The following XPO4 variants were observed in gnomAD, a reference collection of about 807,000 sequenced individuals.
XPO4 encodes the protein exportin-4.
In XPO4, 39 loss-of-function variants were observed where a neutral mutation model predicts 143.0. That is an observed-to-expected ratio of 0.27 (90% CI 0.21 to 0.36). The LOEUF (loss-of-function observed/expected upper bound fraction) is 0.36, where lower values mean the gene tolerates loss of function less well. Among genes scored for constraint, XPO4 ranks in the 10% least tolerant of loss-of-function variants. XPO4 has a pLI of 1.00. For missense variants in XPO4, 907 were observed against 1,348.0 expected (o/e 0.67, Z 5.12); for synonymous variants, 439 against 474.0 (o/e 0.93, Z 0.96).
intron 1 of XPO4, among the ~76,000 whole-genome samples, chr13:20,870,478 C>T (rs1300932584): frequency 6.6e-6 from 1 of 151,718 alleles, no homozygotes; most frequent in Admixed American, 6.6e-5. Context: ...GGGCTGGGTG[C>T]GGTGGCTCAT....
chr13:20,784,650 A>C (rs1434651949), intron 22 of XPO4, among the ~76,000 whole-genome samples: 2 of 152,226 alleles, frequency 1.3e-5, no homozygotes, highest in Non-Finnish European at 2.9e-5. Flanking sequence ...GCTCTCAAAA[A>C]AAGCTGGCCT....
chr13:20,852,643 T>G (rs1262235146), intron 4 of XPO4: 21 of 963,124 alleles, frequency 2.2e-5, no homozygotes, highest in Non-Finnish European at 2.1e-5. Context: ...TTTATAACAT[T>G]TAAATAATGA....
At chr13:20,846,316 CAT>C (rs1481844867) in intron 4 of XPO4, among the ~76,000 whole-genome samples, 2 of 152,112 alleles carry the variant, frequency 1.3e-5, no homozygotes, top group Non-Finnish European at 2.9e-5. Flanking sequence ...CCCAAGATAA[CAT>C]GTGGTTTACG....
At position 20,778,723 on chromosome 13, in the gene XPO4, ATT is replaced by A. The variant is rs1212383361; in HGVS notation, c.*4997_*4998del. 1 of 152,108 alleles carries A rather than the reference ATT, an allele frequency of 6.6e-6. No individual in the cohort carries two copies. Among genetic ancestry groups the A allele is most frequent in the Non-Finnish European group, 1.5e-5 (1 of 67,996 alleles). The allele number at this position is 152,108 out of a possible 1,614,324, so 9.4% of individuals were successfully genotyped here. ...GATTTTTATCTGTACAGATGTCTTC[ATT>A]TTTTTAAATTTAAAATTATTTTAGG... On this transcript the variant is annotated 3_prime_UTR_variant, in exon 23 of 23. Transcript: ENST00000255305.
At chr13:20,810,222 A>C (rs1233695627) in intron 9 of XPO4, among the ~76,000 whole-genome samples, 1 of 152,200 alleles carries the variant, frequency 6.6e-6, no homozygotes, top group African/African-American at 2.4e-5. Context: ...AAATAATATT[A>C]ACATTTTCTG....
chr13:20,861,669 T>C (rs1226134098), intron 3 of XPO4, among the ~76,000 whole-genome samples: 2 of 152,040 alleles, frequency 1.3e-5, no homozygotes, highest in African/African-American at 2.4e-5. Context: ...TACAGATATG[T>C]ATAAAAAGAA....
chr13:20,811,850 G>A (rs1393842609), intron 9 of XPO4, among the ~76,000 whole-genome samples: 1 of 152,188 alleles, frequency 6.6e-6, no homozygotes, highest in East Asian at 1.9e-4. Context: ...GACGCATACA[G>A]GGTGATGAAG....
At chr13:20,790,649 C>A in intron 18 of XPO4, 69 bp from the exon 19 acceptor site, 1 of 1,266,790 alleles carries the variant, frequency 7.9e-7, no homozygotes, top group East Asian at 2.5e-5. Context: ...GTATTCTACC[C>A]TTATGAAAAT....
intron 6 of XPO4, among the ~76,000 whole-genome samples, chr13:20,833,232 G>A (rs956845691): frequency 1.3e-5 from 2 of 152,072 alleles, no homozygotes; most frequent in Non-Finnish European, 2.9e-5. Flanking sequence ...TATTTGCTGA[G>A]CATCTGTGCT....
chr13:20,853,018 T>A (rs945821862), intron 4 of XPO4: 1 of 985,296 alleles, frequency 1.0e-6, no homozygotes, highest in Non-Finnish European at 1.2e-6. Context: ...CTACCACAAT[T>A]TATATTACTC....
At chr13:20,855,877 A>G in intron 3 of XPO4, 112 bp from the exon 4 acceptor site, 1 of 1,185,894 alleles carries the variant, frequency 8.4e-7, no homozygotes, top group Non-Finnish European at 1.2e-6. Flanking sequence ...ATGTGAGAGT[A>G]GAAGAGCCAA....
In XPO4 at chr13:20,846,264, G is replaced by A. The variant is rs61954190; in HGVS notation, c.457-2378C>T. 2.1e-3 allele frequency among the ~76,000 whole-genome samples: 319 copies of A among 152,224 alleles called. 1 individual carries two copies. Among genetic ancestry groups the A allele is most frequent in the South Asian group, 7.5e-3 (36 of 4,826 alleles). Reference sequence around the variant, plus strand: ...CTCTAATTAATGATCACAGCCATACGTACTCACAAAAGCTTTACTTTTTCA... The same window carrying A: ...CTCTAATTAATGATCACAGCCATACATACTCACAAAAGCTTTACTTTTTCA... On this transcript the variant is annotated intron_variant, in intron 4 of 22. Transcript: ENST00000255305.
rs2059116771 is a variant in XPO4, at chr13:20,779,495, A to G, written c.*4227T>C. The stretch of plus-strand genomic sequence containing the variant: ...AGAAAAAAAACCAAAACCAAAAAAA[A>G]AGACACCTCTCCAATTGCTGGGAGG... On this transcript the variant is annotated 3_prime_UTR_variant, in exon 23 of 23. Coordinates refer to ENST00000255305, the MANE Select transcript of XPO4 (RefSeq NM_022459.5). 1 of 152,624 alleles carries G rather than the reference A, an allele frequency of 6.6e-6. No individual in the cohort carries two copies. The highest frequency in any genetic ancestry group is 2.4e-5 in the African/African-American group (1 of 41,428). The allele number at this position is 152,624 out of a possible 1,614,324, so 9.5% of individuals were successfully genotyped here.
intron 2 of XPO4, chr13:20,865,550 T>C: frequency 1.0e-6 from 1 of 973,796 alleles, no homozygotes; most frequent in Non-Finnish European, 1.2e-6. Flanking sequence ...GCTACCACAG[T>C]AACTTTCTTT....
chr13:20,791,093 ATTC>A (rs1312749085), intron 18 of XPO4, among the ~76,000 whole-genome samples: 3 of 151,910 alleles, frequency 2.0e-5, no homozygotes, highest in Admixed American at 6.6e-5. Context: ...AAGGGTTATC[ATTC>A]TTAATACATA....
intron 1 of XPO4, among the ~76,000 whole-genome samples, chr13:20,871,285 G>T (rs913668527): frequency 6.6e-6 from 1 of 152,148 alleles, no homozygotes; most frequent in African/African-American, 2.4e-5. Flanking sequence ...CTCCCAAAGT[G>T]CTGGGATCAC....
intron 19 of XPO4, among the ~76,000 whole-genome samples, chr13:20,789,512 A>G (rs1355419272): frequency 2.7e-5 from 4 of 149,970 alleles, no homozygotes; most frequent in Non-Finnish European, 5.9e-5. Context: ...CTCCTGCCTC[A>G]GCCTCCTGAG....
chr13:20,826,164 A>T (rs2137982783), intron 7 of XPO4, among the ~76,000 whole-genome samples: 2 of 152,278 alleles, frequency 1.3e-5, no homozygotes, highest in Middle Eastern at 6.8e-3. Flanking sequence ...CACACATATG[A>T]ATTGTTTTTC....
intron 6 of XPO4, among the ~76,000 whole-genome samples, chr13:20,841,741 A>G (rs553673769): frequency 2.0e-5 from 3 of 152,124 alleles, no homozygotes; most frequent in East Asian, 3.9e-4. Flanking sequence ...TTTAAATGTC[A>G]TAATTTTACC....
Sources: gnomAD v4.1 joint callset for allele counts (sites outside exome capture counted in the v4.1 genomes callset) on GRCh38, gnomAD v4.1.1 for gene constraint, MANE v1.5 for transcripts, NCBI Gene and HGNC (gene_info 2026-07-23, HGNC 2026-07-21) for gene names.